Variants in ANK2 observed in about 807,000 individuals in gnomAD.
The protein encoded by ANK2 is ankyrin 2.
In ANK2, 83 loss-of-function variants were observed where a neutral mutation model predicts 360.5. That is an observed-to-expected ratio of 0.23 (90% CI 0.19 to 0.28). The LOEUF is 0.28. Ranked by LOEUF, ANK2 falls within the 10% of genes least tolerant of loss-of-function variation. The pLI is 1.00. For missense variants in ANK2, 4,201 were observed against 4,795.7 expected (o/e 0.88, Z 3.66); for synonymous variants, 1,740 against 1,759.5 (o/e 0.99, Z 0.28).
chr4:113,359,050 T>C lies in ANK2; in HGVS notation c.10432T>C (p.Phe3478Leu). ...FDLYRNSIEF[F>L]EEISDEASKL... Reference sequence around the variant, plus strand: ...CCTTTACAGAAATTCCATAGAATTCTTTGAGGAGATTAGTGATGAGGCTTC... The same window carrying C: ...CCTTTACAGAAATTCCATAGAATTCCTTGAGGAGATTAGTGATGAGGCTTC... Residue 3478 changes from phenylalanine (F) to leucine (L), a missense_variant, in exon 38 of 46, where the codon TTT becomes CTT. This residue lies in a region of ANK2 where 2,642 missense variants were observed against 2,714.5 expected (regional missense o/e 0.97). Transcript: ENST00000357077. The C allele has an allele frequency of 1.2e-6, 2 of 1,614,080 alleles. No homozygotes were observed. The highest frequency in any genetic ancestry group is 1.1e-5 in the South Asian group (1 of 91,084).
chr4:113,185,356 C>A (rs1371589174), intron 2 of ANK2, among the ~76,000 whole-genome samples: 1 of 152,204 alleles, frequency 6.6e-6, no homozygotes, highest in Non-Finnish European at 1.5e-5. Flanking sequence ...CCTATTTCTC[C>A]AAATCCTCTC....
chr4:112,749,918 G>T, the ANK2 span, among the ~76,000 whole-genome samples: 7 of 152,034 alleles, frequency 4.6e-5, no homozygotes, highest in Non-Finnish European at 1.0e-4. Flanking sequence ...GCTAATTTTT[G>T]TATTTTTAGT....
Position 113,356,690 on chromosome 4 carries a change from C to A in ANK2, c.8072C>A (p.Pro2691His). Residue 2691 changes from proline (P) to histidine (H), a missense_variant, in exon 38 of 46, where the codon CCT becomes CAT. Physicochemically the swap from Pro to His is moderately conservative, Grantham distance 77. This residue lies in a region of ANK2 where 2,642 missense variants were observed against 2,714.5 expected (regional missense o/e 0.97). Coordinates refer to ENST00000357077, the MANE Select transcript of ANK2 (RefSeq NM_001148.6). ...LLPEPVIRVQ[P>H]PSPLPSSMDS... ...CCAGAACCAGTGATTCGAGTACAAC[C>A]TCCTTCTCCACTTCCATCAAGCATG... is the stretch of plus-strand genomic sequence containing the variant. 6.2e-7 allele frequency: 1 copy of A among 1,614,100 alleles called. No individual in the cohort carries two copies. Among genetic ancestry groups the A allele is most frequent in the Non-Finnish European group, 8.5e-7 (1 of 1,179,990 alleles).
chr4:113,299,238 G>A (rs1053355693), intron 22 of ANK2, among the ~76,000 whole-genome samples: 1 of 152,142 alleles, frequency 6.6e-6, no homozygotes, highest in Non-Finnish European at 1.5e-5. Context: ...ATCAGGCAAT[G>A]AAACTTAATC....
intron 2 of ANK2, among the ~76,000 whole-genome samples, chr4:112,955,398 A>C (rs2095282016): frequency 6.6e-6 from 1 of 152,178 alleles, no homozygotes; most frequent in South Asian, 2.1e-4. Context: ...AAAGACTAGA[A>C]CTTTTGAGAT....
intron 4 of ANK2, among the ~76,000 whole-genome samples, chr4:113,209,236 T>C (rs2098991914): frequency 1.3e-5 from 2 of 151,940 alleles, no homozygotes; most frequent in African/African-American, 2.4e-5. Flanking sequence ...TCTTGCTATA[T>C]AGATGAAACC....
intron 17 of ANK2, among the ~76,000 whole-genome samples, chr4:113,279,349 G>A (rs2153703784): frequency 6.6e-6 from 1 of 152,242 alleles, no homozygotes; most frequent in East Asian, 1.9e-4. Flanking sequence ...ACTATGCCGA[G>A]CACTTTACAG....
intron 1 of ANK2, among the ~76,000 whole-genome samples, chr4:113,090,090 C>G (rs1417531071): frequency 6.6e-6 from 1 of 152,190 alleles, no homozygotes; most frequent in Admixed American, 6.5e-5. Flanking sequence ...ACAAGGAAGT[C>G]TGTGAAATCA....
intron 1 of ANK2, among the ~76,000 whole-genome samples, chr4:113,093,455 A>G (rs2089549814): frequency 6.6e-6 from 1 of 152,034 alleles, no homozygotes; most frequent in Non-Finnish European, 1.5e-5. Flanking sequence ...CCTGCCTCCC[A>G]GGTGATCCTC....
Position 113,372,640 on chromosome 4 carries a change from A to AT in ANK2, c.11611-448dup, listed in dbSNP as rs1223709702. 3 of 1,504,672 alleles carry AT rather than the reference A, an allele frequency of 2.0e-6. No individual in the cohort carries two copies. The South Asian group carries it at 3.6e-5, about 18-fold the overall frequency. The allele number at this position is 1,504,672 out of a possible 1,614,324, so 93.2% of individuals were successfully genotyped here. A position where few individuals can be genotyped will look rare whatever the true frequency, so the allele number is the denominator to read the frequency against. On this transcript the variant is annotated intron_variant, in intron 43 of 45. Transcript: ENST00000357077. ...TGATTATTCAGGTACCCACTGTTAA[A>AT]TTACTGCACGTCAGGGACAGTCCTG...
chr4:113,121,637 A>G (rs1299519490), intron 1 of ANK2, among the ~76,000 whole-genome samples: 1 of 152,136 alleles, frequency 6.6e-6, no homozygotes, highest in African/African-American at 2.4e-5. Flanking sequence ...TTTTTGTCAC[A>G]ATTTTATTAG....
intron 1 of ANK2, among the ~76,000 whole-genome samples, chr4:113,129,110 C>A (rs1016729877): frequency 6.6e-6 from 1 of 151,996 alleles, no homozygotes; most frequent in African/African-American, 2.4e-5. Context: ...CAAATAATAA[C>A]TCATAGAATA....
At chr4:112,965,336 T>G (rs1488987723) in intron 2 of ANK2, among the ~76,000 whole-genome samples, 1 of 152,238 alleles carries the variant, frequency 6.6e-6, no homozygotes, top group Non-Finnish European at 1.5e-5. Context: ...TTTGTCTATT[T>G]TAAAATCAGA....
intron 35 of ANK2, among the ~76,000 whole-genome samples, chr4:113,347,326 G>A (rs907583652): frequency 1.3e-5 from 2 of 152,076 alleles, no homozygotes; most frequent in South Asian, 2.1e-4. Flanking sequence ...CAACCCAAAT[G>A]AGCATAATTT....
At chr4:113,264,011 A>G (rs1263892197) in intron 13 of ANK2, among the ~76,000 whole-genome samples, 2 of 152,226 alleles carry the variant, frequency 1.3e-5, no homozygotes, top group Non-Finnish European at 2.9e-5. Context: ...TTGGGGTAGA[A>G]CAAAGATACC....
At chr4:112,716,303 C>A in the ANK2 span, among the ~76,000 whole-genome samples, 1 of 151,926 alleles carries the variant, frequency 6.6e-6, no homozygotes, top group Non-Finnish European at 1.5e-5. Flanking sequence ...GCTATGTTGA[C>A]CAGGCTGGTC....
chr4:112,860,474 C>T (rs1438475549), intron 1 of ANK2, among the ~76,000 whole-genome samples: 2 of 152,172 alleles, frequency 1.3e-5, no homozygotes, highest in East Asian at 3.9e-4. Flanking sequence ...ATCCGCCGGC[C>T]TTTGAACACT....
At chr4:113,342,909 A>G in intron 33 of ANK2, 108 bp from the exon 34 acceptor site, 1 of 1,359,598 alleles carries the variant, frequency 7.4e-7, no homozygotes. Context: ...AGATGGTTGT[A>G]TGTGTATTAT....
At chr4:112,755,098 C>G in the ANK2 span, among the ~76,000 whole-genome samples, 17 of 152,172 alleles carry the variant, frequency 1.1e-4, 1 homozygote, top group Admixed American at 1.1e-3. Flanking sequence ...GAATGACTTC[C>G]TGCCCTGCTT....
Sources: allele counts gnomAD v4.1 joint callset (sites outside exome capture counted in the v4.1 genomes callset), GRCh38; gene constraint gnomAD v4.1.1; regional missense constraint gnomAD v4.1.1; transcripts MANE v1.5; gene names NCBI Gene and HGNC (gene_info 2026-07-23, HGNC 2026-07-21).